Variants in CDH13 observed in about 807,000 individuals in gnomAD.
CDH13 encodes the protein cadherin-13.
A neutral mutation model predicts 63.8 loss-of-function variants in CDH13; 24 were observed. The observed-to-expected ratio is 0.38, with a 90% CI of 0.27 to 0.53. CDH13 has a LOEUF of 0.53. CDH13 is among the 20% of genes least tolerant of loss of function. CDH13 has a pLI of 0.85. For missense variants in CDH13, 1,049 were observed against 903.1 expected (o/e 1.16, Z -2.07); for synonymous variants, 503 against 355.3 (o/e 1.42, Z -4.67).
intron 2 of CDH13, among the ~76,000 whole-genome samples, chr16:82,958,390 C>A (rs934723818): frequency 1.3e-5 from 2 of 152,038 alleles, no homozygotes; most frequent in Non-Finnish European, 2.9e-5. Context: ...GGAGAGGATG[C>A]GGTGAAGAAA....
At chr16:83,685,232 T>C (rs1293402819) in intron 10 of CDH13, among the ~76,000 whole-genome samples, 2 of 152,130 alleles carry the variant, frequency 1.3e-5, no homozygotes, top group Admixed American at 6.5e-5. Flanking sequence ...TGGGAAGCAA[T>C]GTGCATTGTT....
chr16:82,670,242 G>A (rs1040687570), intron 1 of CDH13, among the ~76,000 whole-genome samples: 1 of 152,114 alleles, frequency 6.6e-6, no homozygotes, highest in African/African-American at 2.4e-5. Flanking sequence ...ATCCCTAGTC[G>A]GAACATTTGA....
At position 82,644,372 on chromosome 16, in the gene CDH13, T is replaced by G. The variant is rs1597203799; in HGVS notation, c.45+17235T>G. ...CCCTCTGTGCTCTCCATCACCCCCCTACGGAGTTCCTTTGATTCTCAGGTC... is the reference window on the plus strand; with the variant it reads ...CCCTCTGTGCTCTCCATCACCCCCCGACGGAGTTCCTTTGATTCTCAGGTC... On this transcript the variant is annotated intron_variant, in intron 1 of 13. Transcript: ENST00000567109. The surrounding 1 kb of genome is among the most constrained non-coding windows in gnomAD (Gnocchi z 5.7). Among the ~76,000 whole-genome samples the G allele has an allele frequency of 6.6e-6, 1 of 152,214 alleles. No individual in the cohort carries two copies. Among genetic ancestry groups the G allele is most frequent in the African/African-American group, 2.4e-5 (1 of 41,540 alleles).
chr16:82,673,318 T>G (rs1913517403), intron 1 of CDH13, among the ~76,000 whole-genome samples: 2 of 152,136 alleles, frequency 1.3e-5, no homozygotes, highest in Admixed American at 1.3e-4. Flanking sequence ...AATAAACACT[T>G]ACTGAGGTTC....
intron 1 of CDH13, among the ~76,000 whole-genome samples, chr16:82,840,360 G>A (rs1447879102): frequency 6.7e-6 from 1 of 150,170 alleles, no homozygotes; most frequent in African/African-American, 2.4e-5. Flanking sequence ...GCTAAAGAGG[G>A]AGGGCCTGAT....
In CDH13 at chr16:83,471,734, C is replaced by T. The variant is rs569267199; in HGVS notation, c.782-14743C>T. Among the ~76,000 whole-genome samples, 4 of 152,296 alleles carry T rather than the reference C, an allele frequency of 2.6e-5. No individual in the cohort carries two copies. The East Asian group carries it at 5.8e-4, about 22-fold the overall frequency. Reference sequence around the variant, plus strand: ...GAACCTGGGCTCTAAACCACTACTACACCATATGCTCACCCGAGCAGTGCC... The same window carrying T: ...GAACCTGGGCTCTAAACCACTACTATACCATATGCTCACCCGAGCAGTGCC... On this transcript the variant is annotated intron_variant, in intron 6 of 13. Transcript: ENST00000567109.
intron 6 of CDH13, among the ~76,000 whole-genome samples, chr16:83,465,139 C>T (rs896493354): frequency 2.2e-4 from 34 of 152,252 alleles, no homozygotes; most frequent in African/African-American, 8.2e-4. Flanking sequence ...CATTAATCAA[C>T]GAGCTAAACA....
intron 5 of CDH13, among the ~76,000 whole-genome samples, chr16:83,276,082 C>G (rs144238341): frequency 2.6e-5 from 4 of 152,280 alleles, no homozygotes; most frequent in African/African-American, 9.6e-5. Context: ...GATCATAGCA[C>G]ATCAGGATTG....
Position 83,678,448 on chromosome 16 carries a change from C to T in CDH13, c.1525C>T (p.His509Tyr). 2.5e-6 allele frequency: 4 copies of T among 1,613,990 alleles called. No homozygotes were observed. The highest frequency in any genetic ancestry group is 2.5e-6 in the Non-Finnish European group (3 of 1,179,872). ...TGCCACGGACCCCGACTCCCTGCAG[C>T]ATCAAACCATCAGGTGGGTGAGTGG... is the stretch of plus-strand genomic sequence containing the variant. ...VNATDPDSLQHQTIRYSVYKD... is the reference protein window; with the variant it reads ...VNATDPDSLQYQTIRYSVYKD... Residue 509 changes from histidine to tyrosine, a missense_variant, in exon 10 of 14, where the codon CAT becomes TAT. Transcript: ENST00000567109.
intron 5 of CDH13, among the ~76,000 whole-genome samples, chr16:83,260,923 G>C (rs778540356): frequency 5.3e-5 from 8 of 151,930 alleles, no homozygotes; most frequent in South Asian, 2.1e-4. Flanking sequence ...CCAGGTCTTG[G>C]GGGGCGGCCA....
intron 1 of CDH13, among the ~76,000 whole-genome samples, chr16:82,763,831 C>T (rs749483807): frequency 1.3e-5 from 2 of 152,164 alleles, no homozygotes; most frequent in Non-Finnish European, 2.9e-5. Flanking sequence ...TATAGGTGCA[C>T]ACCACCACGC....
intron 7 of CDH13, among the ~76,000 whole-genome samples, chr16:83,574,055 G>A (rs755500459): frequency 2.6e-5 from 4 of 152,042 alleles, no homozygotes; most frequent in Non-Finnish European, 5.9e-5. Flanking sequence ...GTCCTTAAGC[G>A]CCGTGCCCCT....
At chr16:82,947,047 T>TGTGA (rs947709175) in intron 2 of CDH13, among the ~76,000 whole-genome samples, 3 of 125,034 alleles carry the variant, frequency 2.4e-5, no homozygotes, top group Non-Finnish European at 3.5e-5. Flanking sequence ...TGTGTGTGTG[T>TGTGA]GATGTTGTAA....
chr16:83,742,246 C>T (rs553753367), intron 10 of CDH13, among the ~76,000 whole-genome samples: 1 of 152,166 alleles, frequency 6.6e-6, no homozygotes, highest in Non-Finnish European at 1.5e-5. Flanking sequence ...AGTGAGCCCG[C>T]CTTCCAGGGT....
chr16:82,749,288 A>G (rs2034312581), intron 1 of CDH13, among the ~76,000 whole-genome samples: 1 of 152,164 alleles, frequency 6.6e-6, no homozygotes, highest in East Asian at 1.9e-4. Context: ...CATTACATGC[A>G]CCAATATATT....
At chr16:82,896,165 A>T (rs2041249733) in intron 2 of CDH13, among the ~76,000 whole-genome samples, 1 of 151,628 alleles carries the variant, frequency 6.6e-6, no homozygotes, top group Admixed American at 6.6e-5. Flanking sequence ...CTTCATGGTG[A>T]GCAATAGCCT....
Position 83,283,569 on chromosome 16 carries a change from C to T in CDH13, c.637-61293C>T, listed in dbSNP as rs569609516. ...TTGCGCTACTGCACTCCAGCCTGGG[C>T]AACAGGGCTAGACTCCATCTCAGAA... On this transcript the variant is annotated intron_variant, in intron 5 of 13. Coordinates refer to ENST00000567109, the MANE Select transcript of CDH13 (RefSeq NM_001257.5). 2.0e-5 allele frequency among the ~76,000 whole-genome samples: 3 copies of T among 152,270 alleles called. No homozygotes were observed. The East Asian group carries it at 5.8e-4, about 29-fold the overall frequency.
intron 7 of CDH13, among the ~76,000 whole-genome samples, chr16:83,599,532 C>T (rs925069043): frequency 6.6e-6 from 1 of 152,000 alleles, no homozygotes; most frequent in South Asian, 2.1e-4. Flanking sequence ...TAAAAAGCAG[C>T]CAAAATGTAT....
rs913697830 is a variant in CDH13 at position 83,378,652 on chromosome 16, TA to T, written c.781+33647del. Among the ~76,000 whole-genome samples the T allele has an allele frequency of 2.0e-5, 3 of 152,294 alleles. No homozygotes were observed. The South Asian group carries it at 6.2e-4, about 32-fold the overall frequency. ...ACTGGATCTCTGTTTCTTATTATCA[TA>T]TTTGCATGACCTTAGGCAAGATACT... On this transcript the variant is annotated intron_variant, in intron 6 of 13. Transcript: ENST00000567109.
Sources: gnomAD v4.1 joint callset for allele counts (sites outside exome capture counted in the v4.1 genomes callset) on GRCh38, gnomAD v4.1.1 for gene constraint, Gnocchi (gnomAD v3.1) non-coding constraint, MANE v1.5 for transcripts, NCBI Gene and HGNC (gene_info 2026-07-23, HGNC 2026-07-21) for gene names.